The following PHYKPL variants were observed in gnomAD, a reference collection of about 807,000 sequenced individuals.
PHYKPL encodes 5-phosphohydroxy-L-lysine phospho-lyase.
A neutral mutation model predicts 51.3 loss-of-function variants in PHYKPL; 42 were observed. The observed-to-expected ratio is 0.82, with a 90% CI of 0.64 to 1.06. The LOEUF is 1.06. Among genes scored for constraint, PHYKPL ranks in the 50% least tolerant of loss-of-function variants. PHYKPL has a pLI of 0.00. For missense variants in PHYKPL, 655 were observed against 586.6 expected (o/e 1.12, Z -1.20); for synonymous variants, 264 against 236.0 (o/e 1.12, Z -1.09).
rs10074929 is a variant in PHYKPL at position 178,228,331 on chromosome 5, G to C, written c.338+1609C>G. ...GGAGAGCACAGTGCCCGGGAAGCAA[G>C]ATGACAGACCACTTCCGGAGAGTGG... is the stretch of plus-strand genomic sequence containing the variant. On this transcript the variant is annotated intron_variant, in intron 3 of 12. Transcript: ENST00000308158. 8.8e-3 allele frequency: 5,040 copies of C among 570,506 alleles called. 142 individuals are homozygous for C. The highest frequency in any genetic ancestry group is 0.063 in the South Asian group (2,784 of 44,218). The allele number at this position is 570,506 out of a possible 1,614,324, so 35.3% of individuals were successfully genotyped here. A position where few individuals can be genotyped will look rare whatever the true frequency, so the allele number is the denominator to read the frequency against.
At chr5:178,231,796 C>G (rs780830715) in intron 1 of PHYKPL, 1 of 1,415,430 alleles carries the variant, frequency 7.1e-7, no homozygotes. Context: ...CTGCATGTGT[C>G]CGCGTCAGTC....
intron 10 of PHYKPL, 29 bp downstream of exon 10, chr5:178,214,767 G>C (rs1251248831): frequency 6.2e-7 from 1 of 1,609,672 alleles, no homozygotes; most frequent in South Asian, 1.1e-5. Flanking sequence ...TCCTACTCCA[G>C]GAAGCAACTT....
chr5:178,232,269 T>C, intron 1 of PHYKPL: 2 of 1,236,450 alleles, frequency 1.6e-6, no homozygotes, highest in South Asian at 6.1e-5. Flanking sequence ...GACGGCGCTG[T>C]CGGGGAGGCG....
Position 178,222,483 on chromosome 5 carries a change from T to C in PHYKPL, c.799A>G (p.Lys267Glu), listed in dbSNP as rs957374246. 18 of 1,614,130 alleles carry C rather than the reference T, an allele frequency of 1.1e-5. No homozygotes were observed. Among genetic ancestry groups the C allele is most frequent in the Non-Finnish European group, 1.5e-5 (18 of 1,180,052 alleles). ...KHFWAFQLQG[K>E]DFVPDIVTMG... The stretch of plus-strand genomic sequence containing the variant: ...GTGACGATGTCAGGGACGAAGTCTT[T>C]TCCCTGGAGCTGGAAGGCCCAGAAG... The change falls in exon 8 of 13, where the codon AAA (lysine) becomes GAA (glutamate). Residue 267 changes from lysine to glutamate, a missense_variant. By Grantham distance (56) the Lys-to-Glu change is moderately conservative. Transcript: ENST00000308158.
chr5:178,222,846 A>C lies in PHYKPL; in HGVS notation c.701+6T>G, dbSNP rs760237368. 4 of 1,613,888 alleles carry C rather than the reference A, an allele frequency of 2.5e-6. No homozygotes were observed. Among genetic ancestry groups the C allele is most frequent in the Non-Finnish European group, 3.4e-6 (4 of 1,179,870 alleles). The stretch of plus-strand genomic sequence containing the variant: ...TCCCTAGAGCAGACCCCGCCCACCT[A>C]CTCACTCTGCCACTTGGGAGAAGTA... On this transcript the variant is annotated splice_donor_region_variant and intron_variant, in intron 7 of 12. Coordinates refer to ENST00000308158, the MANE Select transcript of PHYKPL (RefSeq NM_153373.4).
chr5:178,232,220 G>A, intron 1 of PHYKPL: 5 of 1,261,012 alleles, frequency 4.0e-6, no homozygotes, highest in Non-Finnish European at 5.0e-6. Flanking sequence ...GCCGAACAGC[G>A]GTGAGGGCGG....
At chr5:178,228,187 A>C in intron 3 of PHYKPL, 1 of 271,896 alleles carries the variant, frequency 3.7e-6, no homozygotes, top group Non-Finnish European at 7.0e-6. Context: ...AGAGAATGGA[A>C]GAGATCACCT....
At chr5:178,228,172 T>TA in intron 3 of PHYKPL, 1 of 248,968 alleles carries the variant, frequency 4.0e-6, no homozygotes, top group Non-Finnish European at 7.8e-6. Context: ...TGCTATGTAA[T>TA]ACCAAGAGAA....
chr5:178,217,448 G>A (rs945480077), intron 8 of PHYKPL, among the ~76,000 whole-genome samples: 14 of 151,540 alleles, frequency 9.2e-5, no homozygotes, highest in African/African-American at 3.2e-4. Context: ...CTTAAACCCG[G>A]GACCTCAAGT....
chr5:178,215,190 C>G, intron 9 of PHYKPL, 86 bp downstream of exon 9: 2 of 1,591,624 alleles, frequency 1.3e-6, no homozygotes, highest in Admixed American at 3.5e-5. Context: ...CATAACCCCA[C>G]CATCCCAGGT....
At chr5:178,222,630 G>T in intron 7 of PHYKPL, 50 bp from the exon 8 acceptor site, 2 of 1,588,250 alleles carry the variant, frequency 1.3e-6, no homozygotes, top group South Asian at 1.1e-5. Flanking sequence ...AGAGGGATAA[G>T]ATCAGGACCC....
chr5:178,230,534 T>G (rs1357122752), intron 2 of PHYKPL: 1 of 156,020 alleles, frequency 6.4e-6, no homozygotes, highest in Non-Finnish European at 1.4e-5. Flanking sequence ...TTTTTAAGTT[T>G]TTTTTTGGTA....
At chr5:178,227,074 C>G (rs1436776840) in intron 3 of PHYKPL, among the ~76,000 whole-genome samples, 4 of 152,046 alleles carry the variant, frequency 2.6e-5, no homozygotes, top group Non-Finnish European at 1.5e-5. Flanking sequence ...ACCCCCCCAC[C>G]CCCAATTTAT....
chr5:178,223,236 C>A, intron 6 of PHYKPL: 1 of 423,010 alleles, frequency 2.4e-6, no homozygotes, highest in Non-Finnish European at 4.6e-6. Context: ...ACGCCTCCTC[C>A]CTCAACCCAT....
intron 6 of PHYKPL, 145 bp from the exon 7 acceptor site, chr5:178,223,079 G>C: frequency 1.3e-6 from 1 of 777,224 alleles, no homozygotes; most frequent in Non-Finnish European, 2.1e-6. Flanking sequence ...TACATCTGAA[G>C]GTTTGTGACT....
At chr5:178,223,035 C>T in intron 6 of PHYKPL, 101 bp from the exon 7 acceptor site, 2 of 1,112,594 alleles carry the variant, frequency 1.8e-6, no homozygotes, top group Non-Finnish European at 2.7e-6. Context: ...GACAAGTCAC[C>T]ATCAGTGCTG....
At chr5:178,218,422 G>A (rs1242908926) in intron 8 of PHYKPL, among the ~76,000 whole-genome samples, 2 of 152,112 alleles carry the variant, frequency 1.3e-5, no homozygotes, top group African/African-American at 4.8e-5. Flanking sequence ...AACCTCCAAT[G>A]TGATGGTATT....
At chr5:178,226,965 C>T (rs1387636181) in intron 3 of PHYKPL, among the ~76,000 whole-genome samples, 2 of 142,160 alleles carry the variant, frequency 1.4e-5, no homozygotes, top group South Asian at 2.2e-4. Flanking sequence ...ACACACGCCA[C>T]CACAAAGCCA....
chr5:178,208,971 G>C (rs1757324037), intron 12 of PHYKPL, 56 bp from the exon 13 acceptor site: 1 of 214,832 alleles, frequency 4.7e-6, no homozygotes, highest in African/African-American at 2.3e-5. Flanking sequence ...CATCTGAGAA[G>C]TCTTGTCTGA....
Sources: gnomAD v4.1 joint callset for allele counts (sites outside exome capture counted in the v4.1 genomes callset) on GRCh38, gnomAD v4.1.1 for gene constraint, MANE v1.5 for transcripts, NCBI Gene and HGNC (gene_info 2026-07-23, HGNC 2026-07-21) for gene names.